The following PLIN3 variants were observed in gnomAD, a reference collection of about 807,000 sequenced individuals.
PLIN3 encodes perilipin 3.
A neutral mutation model predicts 35.9 loss-of-function variants in PLIN3; 30 were observed. The observed-to-expected ratio is 0.84, with a 90% CI of 0.62 to 1.13. PLIN3 has a LOEUF of 1.13. Ranked by LOEUF, PLIN3 falls within the 50% of genes most tolerant of loss-of-function variation. PLIN3 has a pLI of 0.00. For missense variants in PLIN3, 603 were observed against 596.9 expected, an observed-to-expected ratio of 1.01 and a Z score of -0.11; for synonymous variants, 261 against 262.5, an observed-to-expected ratio of 0.99 and a Z score of 0.06.
intron 1 of PLIN3, among the ~76,000 whole-genome samples, chr19:4,861,802 T>C (rs1251579055): frequency 6.6e-6 from 1 of 151,692 alleles, no homozygotes; most frequent in Non-Finnish European, 1.5e-5. Flanking sequence ...GCCCAGCTAA[T>C]TTTTGTATTT....
intron 2 of PLIN3, among the ~76,000 whole-genome samples, chr19:4,860,317 C>T (rs896388876): frequency 3.9e-5 from 6 of 152,112 alleles, no homozygotes; most frequent in Admixed American, 1.3e-4. Flanking sequence ...AACGATTCTC[C>T]TGCCTCATCC....
chr19:4,850,587 A>ATTT lies in PLIN3; in HGVS notation c.634+1426_634+1428dup, dbSNP rs71170860. ...AGGCACCCGCCACCACGCCCGGCTA[A>ATTT]TTTTTTTTTTTTTTTTTTTTTTTTT... is the stretch of plus-strand genomic sequence containing the variant. On this transcript the variant is annotated intron_variant, in intron 5 of 7. Coordinates refer to ENST00000221957, the MANE Select transcript of PLIN3 (RefSeq NM_005817.5). 4.1e-3 allele frequency among the ~76,000 whole-genome samples: 509 copies of ATTT among 124,552 alleles called. 12 individuals carry two copies. Among genetic ancestry groups the ATTT allele is most frequent in the African/African-American group, 0.015 (461 of 31,566 alleles). The allele number at this position is 124,552 out of a possible 152,430, so 81.7% of individuals were successfully genotyped here.
At chr19:4,839,965 CTTTTTT>C (rs1212445249) in intron 7 of PLIN3, among the ~76,000 whole-genome samples, 2 of 124,414 alleles carry the variant, frequency 1.6e-5, no homozygotes, top group African/African-American at 6.3e-5. Flanking sequence ...GTGCCCGGCC[CTTTTTT>C]TTTTTTTTTT....
At chr19:4,850,137 G>A (rs2030236956) in intron 5 of PLIN3, among the ~76,000 whole-genome samples, 3 of 151,570 alleles carry the variant, frequency 2.0e-5, no homozygotes, top group African/African-American at 7.3e-5. Context: ...GTAGAGATAG[G>A]GTTTCTTTAT....
At chr19:4,851,210 T>C (rs1599165509) in intron 5 of PLIN3, among the ~76,000 whole-genome samples, 1 of 152,076 alleles carries the variant, frequency 6.6e-6, no homozygotes, top group African/African-American at 2.4e-5. Context: ...CTCACACCTG[T>C]AATCCCAGTA....
chr19:4,864,716 G>T (rs1035405607), intron 1 of PLIN3, among the ~76,000 whole-genome samples: 2 of 152,096 alleles, frequency 1.3e-5, no homozygotes, highest in African/African-American at 4.8e-5. Context: ...GGTTCCCCAG[G>T]TGAGTCTATG....
At chr19:4,847,575 C>G in intron 6 of PLIN3, 116 bp downstream of exon 6, 1 of 837,344 alleles carries the variant, frequency 1.2e-6, no homozygotes, top group Non-Finnish European at 1.9e-6. Context: ...CAGGAGCAAG[C>G]GGGAATGGCC....
chr19:4,848,108 C>T (rs1233767322), intron 5 of PLIN3, among the ~76,000 whole-genome samples: 3 of 152,056 alleles, frequency 2.0e-5, no homozygotes, highest in African/African-American at 2.4e-5. Flanking sequence ...CTCAGCCTCC[C>T]GAGTAACTGA....
At chr19:4,855,123 G>A (rs1276918513) in intron 4 of PLIN3, among the ~76,000 whole-genome samples, 2 of 151,704 alleles carry the variant, frequency 1.3e-5, no homozygotes, top group African/African-American at 2.4e-5. Flanking sequence ...AGTGATGGGC[G>A]CCTATAATCC....
At chr19:4,859,742 A>G in intron 3 of PLIN3, 70 bp from the exon 4 acceptor site, 1 of 1,600,228 alleles carries the variant, frequency 6.2e-7, no homozygotes, top group Non-Finnish European at 8.6e-7. Flanking sequence ...GGGGGACAGG[A>G]CCAAGAGCTG....
intron 4 of PLIN3, among the ~76,000 whole-genome samples, chr19:4,855,687 C>T (rs1443580002): frequency 6.6e-6 from 1 of 152,002 alleles, no homozygotes; most frequent in African/African-American, 2.4e-5. Context: ...GGATTACAGG[C>T]GTGAGCCACC....
chr19:4,839,007 C>CA lies in PLIN3; in HGVS notation c.*184dup. On this transcript the variant is annotated 3_prime_UTR_variant, in exon 8 of 8. Transcript: ENST00000221957. ...GCTCAGAACAGGCTTCTTCCAAGCT[C>CA]AGAGAGGCTGAGAGATGGGTCAACT... 2.0e-6 allele frequency: 1 copy of CA among 509,312 alleles called. No individual in the cohort carries two copies. Among genetic ancestry groups the CA allele is most frequent in the South Asian group, 3.6e-5 (1 of 27,594 alleles). The allele number at this position is 509,312 out of a possible 1,614,324, so 31.5% of individuals were successfully genotyped here. A position where few individuals can be genotyped will look rare whatever the true frequency, so the allele number is the denominator to read the frequency against.
intron 4 of PLIN3, among the ~76,000 whole-genome samples, chr19:4,853,312 CTTTTAT>C (rs2030366093): frequency 1.3e-5 from 2 of 151,520 alleles, no homozygotes; most frequent in Non-Finnish European, 2.9e-5. Flanking sequence ...TATTTTTTAT[CTTTTAT>C]TTTTATTTAT....
At chr19:4,859,064 T>G (rs1344468870) in intron 4 of PLIN3, among the ~76,000 whole-genome samples, 3 of 152,108 alleles carry the variant, frequency 2.0e-5, no homozygotes, top group East Asian at 1.9e-4. Context: ...TAATAAGTTA[T>G]GGAGGTGGCA....
chr19:4,858,604 GA>G lies in PLIN3; in HGVS notation c.348+985del, dbSNP rs574857749. Among the ~76,000 whole-genome samples, 768 of 151,050 alleles carry G rather than the reference GA, an allele frequency of 5.1e-3. 2 individuals are homozygous for G. The highest frequency in any genetic ancestry group is 0.01 in the Middle Eastern group (3 of 286). ...TCACTGTGTTTGCCAGGATGGTCTC[GA>G]TCTCCTGACCTTGTGATCCGCCCAC... On this transcript the variant is annotated intron_variant, in intron 4 of 7. Coordinates refer to ENST00000221957, the MANE Select transcript of PLIN3 (RefSeq NM_005817.5).
intron 4 of PLIN3, among the ~76,000 whole-genome samples, chr19:4,857,463 G>A (rs2030511412): frequency 6.6e-6 from 1 of 152,016 alleles, no homozygotes; most frequent in Non-Finnish European, 1.5e-5. Flanking sequence ...AGCTACTTGG[G>A]AAGCTGAGAT....
At chr19:4,844,860 C>A in intron 6 of PLIN3, 67 bp from the exon 7 acceptor site, 2 of 1,469,572 alleles carry the variant, frequency 1.4e-6, no homozygotes, top group Non-Finnish European at 1.8e-6. Flanking sequence ...CCAGAAGGAA[C>A]CCAAGGAATC....
chr19:4,861,265 T>A, intron 2 of PLIN3, 64 bp downstream of exon 2: 1 of 1,439,128 alleles, frequency 6.9e-7, no homozygotes, highest in Non-Finnish European at 9.8e-7. Context: ...CACCCTGGGG[T>A]GGGAAGCCTC....
In PLIN3 at chr19:4,859,981, G is replaced by A; in HGVS notation, c.110C>T (p.Ser37Phe). 6.2e-7 allele frequency: 1 copy of A among 1,614,140 alleles called. No individual in the cohort carries two copies. Among genetic ancestry groups the A allele is most frequent in the East Asian group, 2.2e-5 (1 of 44,886 alleles). The change falls in exon 3 of 8, where the codon TCC becomes TTC. Residue 37 changes from serine (S) to phenylalanine (F), a missense_variant. Physicochemically the swap from Ser to Phe is radical, Grantham distance 155 (BLOSUM62 -2). Coordinates refer to ENST00000221957, the MANE Select transcript of PLIN3 (RefSeq NM_005817.5). ...GGCTGCGGACACCATGTCGCAGGTG[G>A]AGCTGATCAGAGGCATGCTGGCCAC... ...DRVASMPLIS[S>F]TCDMVSAAYA...
Sources: gnomAD v4.1 joint callset for allele counts (sites outside exome capture counted in the v4.1 genomes callset) on GRCh38, gnomAD v4.1.1 for gene constraint, MANE v1.5 for transcripts, NCBI Gene and HGNC (gene_info 2026-07-23, HGNC 2026-07-21) for gene names.